Variants in LUZP2 observed in about 807,000 individuals in gnomAD.
The protein encoded by LUZP2 is leucine zipper protein 2.
In LUZP2, 52 loss-of-function variants were observed where a neutral mutation model predicts 51.6. That is an observed-to-expected ratio of 1.01 (90% confidence interval 0.81 to 1.27). The LOEUF (loss-of-function observed/expected upper bound fraction) is 1.27. LUZP2 is among the 50% of genes most tolerant of loss of function. The pLI is 0.00. For missense variants in LUZP2, 436 were observed against 395.4 expected (o/e 1.10, Z -0.87); for synonymous variants, 154 against 137.3 (o/e 1.12, Z -0.85).
chr11:24,947,693 C>A (rs1235639614), intron 7 of LUZP2, among the ~76,000 whole-genome samples: 4 of 151,794 alleles, frequency 2.6e-5, no homozygotes, highest in African/African-American at 9.7e-5. Context: ...AATACCTTTT[C>A]TTTGGCCTTG....
chr11:24,624,505 T>C (rs1854611093), intron 1 of LUZP2, among the ~76,000 whole-genome samples: 1 of 152,182 alleles, frequency 6.6e-6, no homozygotes, highest in African/African-American at 2.4e-5. Flanking sequence ...TAAAGTCATA[T>C]ATATAAGAAC....
At chr11:24,662,784 A>T (rs1856064323) in intron 1 of LUZP2, among the ~76,000 whole-genome samples, 1 of 152,126 alleles carries the variant, frequency 6.6e-6, no homozygotes, top group African/African-American at 2.4e-5. Context: ...CTTCAGGAAA[A>T]AATATTTAAT....
chr11:24,944,697 A>T (rs576014055), intron 7 of LUZP2, among the ~76,000 whole-genome samples: 16 of 152,284 alleles, frequency 1.1e-4, no homozygotes, highest in Admixed American at 1.0e-3. Context: ...TCGGGAGCAG[A>T]TGGAGTAGCA....
In LUZP2 at chr11:25,006,655, C is replaced by T. The variant is rs117798895; in HGVS notation, c.765+23362C>T. 6.7e-3 allele frequency among the ~76,000 whole-genome samples: 1,017 copies of T among 152,204 alleles called. 31 individuals carry two copies. In the East Asian group the frequency reaches 0.095, roughly 14 times the overall value. On this transcript the variant is annotated intron_variant, in intron 9 of 11. Transcript: ENST00000336930. ...AGGAAACATAGGACAGAATAGCAAG[C>T]GAAAGGAGTCCAATGGCACTCACCA... is the stretch of plus-strand genomic sequence containing the variant.
intron 5 of LUZP2, among the ~76,000 whole-genome samples, chr11:24,768,592 T>C (rs1860282571): frequency 6.6e-6 from 1 of 151,068 alleles, no homozygotes; most frequent in Non-Finnish European, 1.5e-5. Context: ...ATGGACAAAA[T>C]ATCTGCATAG....
chr11:24,772,253 C>T (rs1455306663), intron 5 of LUZP2, among the ~76,000 whole-genome samples: 2 of 152,158 alleles, frequency 1.3e-5, no homozygotes, highest in South Asian at 2.1e-4. Flanking sequence ...AGAAAACTCA[C>T]TTTGGTTCAA....
chr11:24,848,216 A>C (rs184698280), intron 5 of LUZP2, among the ~76,000 whole-genome samples: 1 of 152,290 alleles, frequency 6.6e-6, no homozygotes, highest in East Asian at 1.9e-4. Context: ...CCATTTATCT[A>C]TCTATATTAA....
At chr11:24,679,664 C>T (rs1006968493) in intron 1 of LUZP2, among the ~76,000 whole-genome samples, 2 of 152,024 alleles carry the variant, frequency 1.3e-5, no homozygotes, top group Non-Finnish European at 2.9e-5. Flanking sequence ...TCAAGTGACA[C>T]AATAGTTAGA....
At chr11:24,833,038 A>C (rs969351997) in intron 5 of LUZP2, among the ~76,000 whole-genome samples, 1 of 152,136 alleles carries the variant, frequency 6.6e-6, no homozygotes. Flanking sequence ...AAATGATGTA[A>C]AATTAAGCAG....
chr11:24,639,064 A>G (rs1399687465), intron 1 of LUZP2, among the ~76,000 whole-genome samples: 1 of 151,826 alleles, frequency 6.6e-6, no homozygotes, highest in African/African-American at 2.4e-5. Context: ...ACAAATCTTC[A>G]GTCTTTTTGG....
At chr11:24,995,868 T>C (rs549320472) in intron 9 of LUZP2, among the ~76,000 whole-genome samples, 142 of 152,118 alleles carry the variant, frequency 9.3e-4, no homozygotes, top group African/African-American at 3.2e-3. Context: ...ATTCCAACTC[T>C]GATAAGGGAG....
At chr11:24,932,612 C>G (rs182434590) in intron 7 of LUZP2, among the ~76,000 whole-genome samples, 1 of 152,154 alleles carries the variant, frequency 6.6e-6, no homozygotes, top group Non-Finnish European at 1.5e-5. Flanking sequence ...CCTCACCCAG[C>G]TCGCACACAG....
chr11:25,040,951 C>T lies in LUZP2; in HGVS notation c.766-9087C>T, dbSNP rs75589777. Among the ~76,000 whole-genome samples the T allele has an allele frequency of 7.8e-3, 1,192 of 152,178 alleles. 33 individuals carry two copies. The East Asian group carries it at 0.099, about 13-fold the overall frequency. On this transcript the variant is annotated intron_variant, in intron 9 of 11. Transcript: ENST00000336930. Reference sequence around the variant, plus strand: ...GCTACCAAAATTGATCTTTGGTACCCATCATTTCTCACTGTTTTAGCTCTT... The same window carrying T: ...GCTACCAAAATTGATCTTTGGTACCTATCATTTCTCACTGTTTTAGCTCTT...
chr11:24,609,644 C>T (rs1854048945), intron 1 of LUZP2, among the ~76,000 whole-genome samples: 1 of 129,314 alleles, frequency 7.7e-6, no homozygotes, highest in Non-Finnish European at 1.6e-5. Context: ...GCACAAGAAT[C>T]ACTTTAACCC....
chr11:24,565,350 C>G (rs937879299), intron 1 of LUZP2, among the ~76,000 whole-genome samples: 4 of 152,134 alleles, frequency 2.6e-5, no homozygotes, highest in African/African-American at 9.7e-5. Flanking sequence ...CCAAAACACA[C>G]CTTGCAGGCA....
chr11:24,970,847 T>C (rs1349619962), intron 7 of LUZP2, among the ~76,000 whole-genome samples: 1 of 152,120 alleles, frequency 6.6e-6, no homozygotes, highest in Non-Finnish European at 1.5e-5. Flanking sequence ...AAAACCAAGC[T>C]CCAGCTTTTT....
intron 1 of LUZP2, among the ~76,000 whole-genome samples, chr11:24,568,355 GAAAAAAAA>G (rs35908367): frequency 1.0e-3 from 132 of 127,290 alleles, no homozygotes; most frequent in African/African-American, 3.5e-3. Context: ...ATCTGTCTCA[GAAAAAAAA>G]AAAAAAAAAA....
chr11:24,665,735 G>A (rs370725268), intron 1 of LUZP2, among the ~76,000 whole-genome samples: 32 of 152,188 alleles, frequency 2.1e-4, no homozygotes, highest in African/African-American at 7.7e-4. Context: ...GGACATGATT[G>A]CTTCGCCTTC....
At chr11:24,890,461 C>T (rs1407922344) in intron 5 of LUZP2, among the ~76,000 whole-genome samples, 4 of 152,142 alleles carry the variant, frequency 2.6e-5, no homozygotes, top group Admixed American at 1.3e-4. Flanking sequence ...AGTGGAATCA[C>T]CATTTAAAAC....
Sources: allele counts gnomAD v4.1 joint callset (sites outside exome capture counted in the v4.1 genomes callset), GRCh38; gene constraint gnomAD v4.1.1; transcripts MANE v1.5; gene names NCBI Gene and HGNC (gene_info 2026-07-23, HGNC 2026-07-21).